Variants in CDH13 observed in about 807,000 individuals in gnomAD.
CDH13 encodes cadherin-13.
A neutral mutation model predicts 63.8 loss-of-function variants in CDH13; 24 were observed. The ratio of observed to expected loss-of-function variants is 0.38; its 90% CI spans 0.27 to 0.53. The LOEUF (loss-of-function observed/expected upper bound fraction) is 0.53, where lower values mean the gene tolerates loss of function less well. CDH13 is among the 20% of genes least tolerant of loss of function. The pLI, the probability that CDH13 is intolerant of heterozygous loss-of-function variation, is 0.85. For synonymous variants in CDH13, 503 were observed against 355.3 expected (o/e 1.42, Z -4.67); for missense variants, 1,049 against 903.1 (o/e 1.16, Z -2.07).
At chr16:83,133,607 T>C (rs2036151410) in intron 4 of CDH13, among the ~76,000 whole-genome samples, 1 of 152,114 alleles carries the variant, frequency 6.6e-6, no homozygotes, top group Non-Finnish European at 1.5e-5. Flanking sequence ...CAAGAGATTC[T>C]CATGCCTCAG....
chr16:83,589,833 A>G (rs966386974), intron 7 of CDH13, among the ~76,000 whole-genome samples: 9 of 152,226 alleles, frequency 5.9e-5, no homozygotes, highest in Middle Eastern at 3.4e-3. Context: ...CTCTGGGAAG[A>G]CAAACCTTCA....
At chr16:82,717,350 C>A (rs935271072) in intron 1 of CDH13, among the ~76,000 whole-genome samples, 3 of 150,222 alleles carry the variant, frequency 2.0e-5, no homozygotes, top group African/African-American at 7.4e-5. Context: ...GCAGGAGAAT[C>A]GCTTGAAACC....
At chr16:83,319,585 A>T (rs2090177452) in intron 5 of CDH13, among the ~76,000 whole-genome samples, 1 of 152,242 alleles carries the variant, frequency 6.6e-6, no homozygotes, top group Admixed American at 6.5e-5. Context: ...TGAAATCCTC[A>T]ATATTTTTCA....
intron 5 of CDH13, among the ~76,000 whole-genome samples, chr16:83,236,237 G>GCACACGCA (rs2040138411): frequency 2.0e-5 from 3 of 148,898 alleles, no homozygotes; most frequent in Admixed American, 2.0e-4. Context: ...ACACGCACAT[G>GCACACGCA]CACACACACA....
chr16:83,520,523 A>C (rs2074805735), intron 7 of CDH13, among the ~76,000 whole-genome samples: 1 of 152,124 alleles, frequency 6.6e-6, no homozygotes, highest in Non-Finnish European at 1.5e-5. Flanking sequence ...GAATATTGTG[A>C]ATAATATGTT....
At position 83,147,691 on chromosome 16, in the gene CDH13, T is replaced by G. The variant is rs371646488; in HGVS notation, c.483+22190T>G. Among the ~76,000 whole-genome samples, 131 of 152,256 alleles carry G rather than the reference T, an allele frequency of 8.6e-4. 1 individual carries two copies. The South Asian group carries it at 0.015, about 17-fold the overall frequency. On this transcript the variant is annotated intron_variant, in intron 4 of 13. Transcript: ENST00000567109. ...AAAGGGACAACTCATTCCTTTGCCT[T>G]TCCACCCCACTTGCGTTCCACCCCT...
At chr16:83,102,930 C>CTTTTTTTTTTTTTTT (rs71148812) in intron 3 of CDH13, among the ~76,000 whole-genome samples, 8 of 96,934 alleles carry the variant, frequency 8.3e-5, no homozygotes, top group African/African-American at 1.4e-4. Context: ...TTTTCTTTTT[C>CTTTTTTTTTTTTTTT]TTTTTTTTTT....
At chr16:83,102,737 G>T (rs2074817544) in intron 3 of CDH13, among the ~76,000 whole-genome samples, 1 of 152,010 alleles carries the variant, frequency 6.6e-6, no homozygotes, top group Admixed American at 6.6e-5. Context: ...AGGAAAAGAT[G>T]ATTTTGGCTT....
At chr16:83,573,185 T>C (rs1257901135) in intron 7 of CDH13, among the ~76,000 whole-genome samples, 1 of 152,136 alleles carries the variant, frequency 6.6e-6, no homozygotes, top group East Asian at 1.9e-4. Flanking sequence ...CCTTGAATCA[T>C]TGAATTTGGG....
intron 6 of CDH13, among the ~76,000 whole-genome samples, chr16:83,476,129 C>T (rs17685702): frequency 0.23 from 34,551 of 152,034 alleles, 4,028 homozygotes; most frequent in Middle Eastern, 0.3. Context: ...TTCACTTGTG[C>T]ATTTGGCAAA....
At chr16:83,088,680 T>C (rs900299059) in intron 3 of CDH13, among the ~76,000 whole-genome samples, 4 of 152,224 alleles carry the variant, frequency 2.6e-5, no homozygotes, top group Non-Finnish European at 1.5e-5. Flanking sequence ...AAACATGGGA[T>C]CTTTTACATG....
At chr16:83,230,458 T>C (rs1301799171) in intron 5 of CDH13, among the ~76,000 whole-genome samples, 1 of 152,154 alleles carries the variant, frequency 6.6e-6, no homozygotes. Flanking sequence ...GCAAGCCTCT[T>C]GACTCCCTAT....
At chr16:83,439,577 A>G (rs1313179707) in intron 6 of CDH13, among the ~76,000 whole-genome samples, 2 of 152,246 alleles carry the variant, frequency 1.3e-5, no homozygotes, top group Admixed American at 6.5e-5. Context: ...GGGTGAGGCT[A>G]CAGCCGTAAT....
At chr16:83,778,345 C>T (rs112100169) in intron 11 of CDH13, among the ~76,000 whole-genome samples, 31,869 of 152,090 alleles carry the variant, frequency 0.21, 3,661 homozygotes, top group Non-Finnish European at 0.26. Context: ...GACTGACCAA[C>T]GTGGTGAAAT....
intron 5 of CDH13, among the ~76,000 whole-genome samples, chr16:83,305,316 C>T (rs2089849114): frequency 6.6e-6 from 1 of 152,218 alleles, no homozygotes; most frequent in Non-Finnish European, 1.5e-5. Flanking sequence ...TATTTATCAA[C>T]ATCTGTTTCT....
intron 6 of CDH13, among the ~76,000 whole-genome samples, chr16:83,461,229 T>C (rs1266025181): frequency 6.6e-6 from 1 of 152,176 alleles, no homozygotes; most frequent in Non-Finnish European, 1.5e-5. Context: ...TACATGTATA[T>C]GTACATATTC....
Position 83,767,930 on chromosome 16 carries a change from C to T in CDH13, c.1682-12038C>T, listed in dbSNP as rs192193515. On this transcript the variant is annotated intron_variant, in intron 11 of 13. Coordinates refer to ENST00000567109, the MANE Select transcript of CDH13 (RefSeq NM_001257.5). The stretch of plus-strand genomic sequence containing the variant: ...TCTAAAAGTAGGTAGTGGTGATGGT[C>T]GCACAACTCTGTAAATGTACTAAAA... Among the ~76,000 whole-genome samples, 7 of 151,812 alleles carry T rather than the reference C, an allele frequency of 4.6e-5. 1 individual carries two copies. The highest frequency in any genetic ancestry group is 4.2e-4 in the South Asian group (2 of 4,806).
At chr16:83,005,646 G>C (rs1913412182) in intron 2 of CDH13, among the ~76,000 whole-genome samples, 1 of 152,214 alleles carries the variant, frequency 6.6e-6, no homozygotes, top group African/African-American at 2.4e-5. Context: ...GCTTGTTTCA[G>C]AAACAGTGTC....
chr16:83,762,204 C>T (rs970027517), intron 11 of CDH13, among the ~76,000 whole-genome samples: 1 of 152,084 alleles, frequency 6.6e-6, no homozygotes, highest in African/African-American at 2.4e-5. Context: ...AGCCTTTAAT[C>T]CTATAGATTA....
Sources: allele counts gnomAD v4.1 joint callset (sites outside exome capture counted in the v4.1 genomes callset), GRCh38; gene constraint gnomAD v4.1.1; transcripts MANE v1.5; gene names NCBI Gene and HGNC (gene_info 2026-07-23, HGNC 2026-07-21).